Variants in ZIC3 observed in about 807,000 individuals in gnomAD.
ZIC3 encodes zinc finger protein ZIC 3.
In ZIC3, 6 loss-of-function variants were observed where a neutral mutation model predicts 18.3. The observed-to-expected ratio is 0.33, with a 90% CI of 0.18 to 0.65. ZIC3 has a LOEUF of 0.65. ZIC3 is among the 30% of genes least tolerant of loss of function. The pLI is 0.75. For synonymous variants in ZIC3, 175 were observed against 177.0 expected (o/e 0.99, Z 0.09); for missense variants, 260 against 410.0 (o/e 0.63, Z 3.16).
Position 137,566,918 on chromosome X carries a change from C to T in ZIC3, c.227C>T (p.Pro76Leu), listed in dbSNP as rs1308128585. The stretch of plus-strand genomic sequence containing the variant: ...TCAGGCCAGAGCTCGGCTTTCACGC[C>T]GCAGGGTTCGGGCTACGCCAACGCC... ...LSSGQSSAFT[P>L]QGSGYANALG... The change falls in exon 1 of 3, where the codon CCG becomes CTG. Residue 76 changes from proline (P) to leucine (L), a missense_variant. By Grantham distance (98) the Pro-to-Leu change is moderately conservative. This residue lies in a region of ZIC3 where 183 missense variants were observed against 223.8 expected (regional missense o/e 0.82). Coordinates refer to ENST00000287538, the MANE Select transcript of ZIC3 (RefSeq NM_003413.4). 3.8e-5 allele frequency: 44 copies of T among 1,165,008 alleles called. No homozygotes were observed. Among genetic ancestry groups the T allele is most frequent in the Middle Eastern group, 2.3e-4 (1 of 4,319 alleles).
At chrX:137,574,055 G>A (rs1053206888), downstream of ZIC3, 4 of 113,454 alleles carry the variant, frequency 3.5e-5, no homozygotes, top group African/African-American at 1.3e-4. Context: ...AGGCCGGCGG[G>A]GCTGTAAAGC....
chrX:137,574,568 C>A (rs1306189591), downstream of ZIC3, among the ~76,000 whole-genome samples: 1 of 113,245 alleles, frequency 8.8e-6, no homozygotes, highest in African/African-American at 3.2e-5. Context: ...CCACACCCAC[C>A]CCCACTCCCG....
downstream of ZIC3, among the ~76,000 whole-genome samples, chrX:137,576,546 G>A (rs749131210): frequency 8.9e-5 from 10 of 112,109 alleles, no homozygotes; most frequent in Non-Finnish European, 1.7e-4. Context: ...CGACTCCAAA[G>A]GGTACTGCTT....
At position 137,577,170 on chromosome X, in the gene ZIC3, C is replaced by T. The variant is rs947803463; in HGVS notation, c.1273C>T (p.Leu425Phe). 8 of 523,216 alleles carry T rather than the reference C, an allele frequency of 1.5e-5. No homozygotes were observed. The highest frequency in any genetic ancestry group is 2.8e-5 in the Non-Finnish European group (8 of 286,492). The allele number at this position is 523,216 out of a possible 1,213,427, so 43.1% of individuals were successfully genotyped here. ...ACAGTCTCTAATTCCTGACGAAGAA[C>T]TTGATACTGACGTTGGTATGCAGCA... Residue 425 changes from leucine (L) to phenylalanine (F), a missense_variant, in exon 3 of 3, where the codon CTT (leucine) becomes TTT (phenylalanine). Physicochemically the swap from Leu to Phe is conservative, Grantham distance 22. Coordinates refer to the ZIC3 transcript ENST00000370606.
At chrX:137,575,262 C>T (rs750837526), downstream of ZIC3, among the ~76,000 whole-genome samples, 8 of 112,163 alleles carry the variant, frequency 7.1e-5, no homozygotes, top group Non-Finnish European at 1.1e-4. Flanking sequence ...AGTTCGACCC[C>T]TACACGTTGC....
downstream of ZIC3, among the ~76,000 whole-genome samples, chrX:137,576,841 G>A (rs150972371): frequency 4.8e-4 from 54 of 112,218 alleles, 1 homozygote; most frequent in Middle Eastern, 0.028. Flanking sequence ...GGAGAGAAAT[G>A]TAAGCTTTAT....
intron 1 of ZIC3, among the ~76,000 whole-genome samples, chrX:137,568,419 A>T (rs1341483821): frequency 2.7e-5 from 3 of 111,034 alleles, no homozygotes; most frequent in African/African-American, 9.8e-5. Context: ...ACGACTACCC[A>T]GGCTTTTTAA....
chrX:137,574,576 C>T (rs1276882328), downstream of ZIC3, among the ~76,000 whole-genome samples: 2 of 113,167 alleles, frequency 1.8e-5, no homozygotes, highest in Non-Finnish European at 3.8e-5. Flanking sequence ...ACCCCCACTC[C>T]CGCGCCCTGC....
At position 137,566,949 on chromosome X, in the gene ZIC3, C is replaced by T; in HGVS notation, c.258C>T (p.Gly86=). ...PQGSGYANAL[G]HHHHHHHHHH... is the part of the protein sequence containing the mutation. ...GTTCGGGCTACGCCAACGCCCTGGGCCACCATCACCACCACCATCACCATC... is the reference window on the plus strand; with the variant it reads ...GTTCGGGCTACGCCAACGCCCTGGGTCACCATCACCACCACCATCACCATC... The change falls in exon 1 of 3, where the codon GGC becomes GGT. Residue 86 remains glycine (G), a synonymous_variant. Coordinates refer to ENST00000287538, the MANE Select transcript of ZIC3 (RefSeq NM_003413.4). 8.6e-7 allele frequency: 1 copy of T among 1,166,752 alleles called. No homozygotes were observed.
At chrX:137,574,267 T>C (rs1602745963), downstream of ZIC3, 1 of 113,435 alleles carries the variant, frequency 8.8e-6, no homozygotes, top group Middle Eastern at 4.7e-3. Flanking sequence ...ACGTCCTCTC[T>C]CGCTCGGCCC....
At chrX:137,573,023 C>T (rs1486811887), downstream of ZIC3, among the ~76,000 whole-genome samples, 1 of 108,770 alleles carries the variant, frequency 9.2e-6, no homozygotes, top group Non-Finnish European at 1.9e-5. Context: ...AAAGAAAACT[C>T]CTTATTTTGA....
exon 3 of ZIC3, chrX:137,577,133 T>G (rs1931522971): frequency 1.9e-6 from 1 of 522,888 alleles, no homozygotes; most frequent in East Asian, 3.6e-5. Context: ...GTTGTCCTGC[T>G]TGGTATCCGG....
downstream of ZIC3, chrX:137,574,228 C>A (rs1488661105): frequency 8.8e-6 from 1 of 113,380 alleles, no homozygotes; most frequent in African/African-American, 3.2e-5. Context: ...ACCCGAAAGC[C>A]GCTTGCGGCT....
chrX:137,576,415 G>A (rs968517379), downstream of ZIC3, among the ~76,000 whole-genome samples: 3 of 112,099 alleles, frequency 2.7e-5, no homozygotes, highest in African/African-American at 9.7e-5. Flanking sequence ...GATACCTGCG[G>A]TGTTCTTTGG....
rs921763163 is a variant in ZIC3, at chrX:137,571,662, T to C, written c.*1592T>C. The C allele has an allele frequency of 8.9e-6, 1 of 112,862 alleles. No homozygotes were observed. Among genetic ancestry groups the C allele is most frequent in the East Asian group, 2.8e-4 (1 of 3,631 alleles). The allele number at this position is 112,862 out of a possible 1,213,427, so 9.3% of individuals were successfully genotyped here. The stretch of plus-strand genomic sequence containing the variant: ...AAAGTTCATGATTTGTAGGCAAAGA[T>C]GTTAAGAGCATTGTTTCCATTAAAA... On this transcript the variant is annotated 3_prime_UTR_variant, in exon 3 of 3. Transcript: ENST00000287538.
rs752982874 is a variant in ZIC3 at position 137,567,384 on chromosome X, G to A, written c.693G>A (p.Ala231=). The A allele has an allele frequency of 1.4e-5, 17 of 1,209,851 alleles. No individual in the cohort carries two copies. Among genetic ancestry groups the A allele is most frequent in the African/African-American group, 8.7e-5 (5 of 57,278 alleles). Residue 231 remains alanine (A), a synonymous_variant, in exon 1 of 3, where the codon GCG becomes GCA. Transcript: ENST00000287538. ...ACATGAACATGGGAGTGAACGTGGC[G>A]GCCCACCACGGGCCCGGCGCCTTCT... ...PMNMNMGVNV[A]AHHGPGAFFR...
chrX:137,568,380 ATCTATAT>A (rs1931386706), intron 1 of ZIC3, among the ~76,000 whole-genome samples: 3 of 108,572 alleles, frequency 2.8e-5, no homozygotes, highest in African/African-American at 1.0e-4. Context: ...CTATCTATCT[ATCTATAT>A]TTTTTTCCTC....
chrX:137,573,366 C>CT (rs1931466923), downstream of ZIC3, among the ~76,000 whole-genome samples: 1 of 111,434 alleles, frequency 9.0e-6, no homozygotes, highest in African/African-American at 3.3e-5. Context: ...CTTCATCCAG[C>CT]TTTAGAAGGT....
At chrX:137,569,107 C>T in intron 2 of ZIC3, 42 bp downstream of exon 2, 1 of 1,204,457 alleles carries the variant, frequency 8.3e-7, no homozygotes, top group African/African-American at 1.7e-5. Flanking sequence ...TGTAAACACT[C>T]GGCCCGACGC....
Sources: allele counts gnomAD v4.1 joint callset (sites outside exome capture counted in the v4.1 genomes callset), GRCh38; gene constraint gnomAD v4.1.1; regional missense constraint gnomAD v4.1.1; transcripts MANE v1.5; gene names NCBI Gene and HGNC (gene_info 2026-07-23, HGNC 2026-07-21).